The following JAM3 variants were observed in gnomAD, a reference collection of about 807,000 sequenced individuals.
JAM3 encodes the protein junctional adhesion molecule C.
In JAM3, 31 loss-of-function variants were observed where a neutral mutation model predicts 39.4. The ratio of observed to expected loss-of-function variants is 0.79; its 90% CI spans 0.59 to 1.06. The LOEUF (loss-of-function observed/expected upper bound fraction) is 1.06. Among genes scored for constraint, JAM3 ranks in the 50% least tolerant of loss-of-function variants. JAM3 has a pLI of 0.00. For synonymous variants in JAM3, 182 were observed against 148.7 expected (o/e 1.22, Z -1.63); for missense variants, 455 against 391.4 (o/e 1.16, Z -1.37).
intron 1 of JAM3, among the ~76,000 whole-genome samples, chr11:134,125,589 G>C (rs1942633655): frequency 6.6e-6 from 1 of 152,166 alleles, no homozygotes; most frequent in African/African-American, 2.4e-5. Flanking sequence ...GACCTCGCTA[G>C]CATCCGATCC....
At chr11:134,108,549 A>G (rs1012250997) in intron 1 of JAM3, among the ~76,000 whole-genome samples, 28 of 152,230 alleles carry the variant, frequency 1.8e-4, no homozygotes, top group Admixed American at 2.0e-4. Context: ...CAAGTCAATC[A>G]TAAAAAAGAC....
At chr11:134,078,936 G>A (rs1941619064) in intron 1 of JAM3, among the ~76,000 whole-genome samples, 1 of 152,194 alleles carries the variant, frequency 6.6e-6, no homozygotes. Flanking sequence ...CTGCTTGGGA[G>A]GCTGAGGCAG....
intron 8 of JAM3, 79 bp from the exon 9 acceptor site, chr11:134,149,067 C>A: frequency 2.0e-6 from 3 of 1,516,378 alleles, no homozygotes; most frequent in Non-Finnish European, 2.7e-6. Flanking sequence ...TGTATTTAGC[C>A]CATGTTAGAC....
intron 6 of JAM3, among the ~76,000 whole-genome samples, chr11:134,146,708 C>T (rs1425264864): frequency 2.0e-5 from 3 of 152,168 alleles, no homozygotes; most frequent in Non-Finnish European, 4.4e-5. Context: ...GCTGGAACAA[C>T]AGGCACACAC....
chr11:134,124,033 C>G, intron 1 of JAM3: 1 of 1,444,070 alleles, frequency 6.9e-7, no homozygotes, highest in Admixed American at 1.7e-5. Context: ...ACACAAGGCA[C>G]TGCAACACAG....
At chr11:134,143,535 T>C (rs567223169) in intron 3 of JAM3, among the ~76,000 whole-genome samples, 83 of 152,336 alleles carry the variant, frequency 5.4e-4, no homozygotes, top group African/African-American at 1.9e-3. Flanking sequence ...CACCCACCCT[T>C]ATGTCCAGTT....
chr11:134,134,625 C>T (rs1942830440), intron 1 of JAM3, among the ~76,000 whole-genome samples: 1 of 152,130 alleles, frequency 6.6e-6, no homozygotes, highest in African/African-American at 2.4e-5. Context: ...ACATTCCCAT[C>T]AGCAGTGTAC....
At chr11:134,106,295 T>C (rs1337973446) in intron 1 of JAM3, among the ~76,000 whole-genome samples, 3 of 152,080 alleles carry the variant, frequency 2.0e-5, no homozygotes, top group Non-Finnish European at 4.4e-5. Context: ...GCTAGCCATA[T>C]GTAGAAAGCT....
At chr11:134,070,092 C>T (rs1591764299) in intron 1 of JAM3, 2 of 454,114 alleles carry the variant, frequency 4.4e-6, no homozygotes, top group East Asian at 1.4e-4. Context: ...CTTGTACTGT[C>T]TACTAGGCAC....
Position 134,147,055 on chromosome 11 carries a change from G to A in JAM3, c.712+1010G>A, listed in dbSNP as rs75633414. 3.0e-3 allele frequency among the ~76,000 whole-genome samples: 460 copies of A among 152,292 alleles called. 7 individuals are homozygous for A. The highest frequency in any genetic ancestry group is 0.025 in the Admixed American group (386 of 15,296). On this transcript the variant is annotated intron_variant, in intron 6 of 8. Coordinates refer to ENST00000299106, the MANE Select transcript of JAM3 (RefSeq NM_032801.5). ...CCGAAGGATTCTTCTCATGTGTCAC[G>A]TTTGAGAAACTCTGCTCTAGGGTTG...
chr11:134,141,524 G>A (rs558557996), intron 3 of JAM3, among the ~76,000 whole-genome samples: 3 of 152,164 alleles, frequency 2.0e-5, no homozygotes, highest in South Asian at 2.1e-4. Flanking sequence ...GAGCATGGGC[G>A]GTATCTGAGG....
At chr11:134,136,746 T>C (rs1168745358) in intron 1 of JAM3, among the ~76,000 whole-genome samples, 1 of 151,272 alleles carries the variant, frequency 6.6e-6, no homozygotes, top group Non-Finnish European at 1.5e-5. Context: ...TCATGAAAAA[T>C]AAAATACAAA....
chr11:134,127,841 G>A (rs1942680325), intron 1 of JAM3, among the ~76,000 whole-genome samples: 1 of 152,204 alleles, frequency 6.6e-6, no homozygotes, highest in South Asian at 2.1e-4. Flanking sequence ...AGAGGAAACA[G>A]AAGAGAGTAA....
intron 1 of JAM3, among the ~76,000 whole-genome samples, chr11:134,116,830 A>C (rs1033690602): frequency 6.6e-6 from 1 of 152,112 alleles, no homozygotes; most frequent in Non-Finnish European, 1.5e-5. Context: ...TCTATGTTAA[A>C]ATAAACATTA....
intron 1 of JAM3, among the ~76,000 whole-genome samples, chr11:134,114,301 G>A (rs1942379015): frequency 6.6e-6 from 1 of 152,100 alleles, no homozygotes; most frequent in Non-Finnish European, 1.5e-5. Flanking sequence ...TTCTTCTAGG[G>A]TTTTTATGGT....
chr11:134,078,606 G>A lies in JAM3; in HGVS notation c.76+9447G>A, dbSNP rs556074895. Among the ~76,000 whole-genome samples, 10 of 152,194 alleles carry A rather than the reference G, an allele frequency of 6.6e-5. 1 individual carries two copies. In the South Asian group the frequency reaches 1.9e-3, roughly 28 times the overall value. ...TTGTTGGAGCAGAAGGGCCCTCCAG[G>A]GCATCTAATCAGCTACACTTGTGAA... On this transcript the variant is annotated intron_variant, in intron 1 of 8. Transcript: ENST00000299106.
chr11:134,148,613 C>T lies in JAM3; in HGVS notation c.779C>T (p.Thr260Met), dbSNP rs754785863. Residue 260 changes from threonine to methionine, a missense_variant, in exon 7 of 9, where the codon ACG becomes ATG. By Grantham distance (81) the Thr-to-Met change is moderately conservative. Coordinates refer to ENST00000299106, the MANE Select transcript of JAM3 (RefSeq NM_032801.5). ...GTCCTTGCTGTACTGGCCCTGATCA[C>T]GTTGGGCATCTGCTGTGCATACAGA... ...LVVLAVLALI[T>M]LGICCAYRRG... The T allele has an allele frequency of 1.9e-6, 3 of 1,614,054 alleles. No individual in the cohort carries two copies. The highest frequency in any genetic ancestry group is 2.2e-5 in the East Asian group (1 of 44,882).
At chr11:134,129,121 T>C (rs1012862417) in intron 1 of JAM3, among the ~76,000 whole-genome samples, 26 of 132,806 alleles carry the variant, frequency 2.0e-4, no homozygotes, top group Non-Finnish European at 3.0e-4. Flanking sequence ...CTCTTCAAGT[T>C]CTTTTTTTTT....
intron 1 of JAM3, among the ~76,000 whole-genome samples, chr11:134,109,444 G>T (rs1942268788): frequency 6.6e-6 from 1 of 152,194 alleles, no homozygotes; most frequent in Non-Finnish European, 1.5e-5. Context: ...TATAACTGTT[G>T]CCTGGTTTTT....
Sources: gnomAD v4.1 joint callset for allele counts (sites outside exome capture counted in the v4.1 genomes callset) on GRCh38, gnomAD v4.1.1 for gene constraint, MANE v1.5 for transcripts, NCBI Gene and HGNC (gene_info 2026-07-23, HGNC 2026-07-21) for gene names.